Variants in MAML2 observed in about 807,000 individuals in gnomAD.
MAML2 encodes the protein mastermind like transcriptional coactivator 2.
A neutral mutation model predicts 96.1 loss-of-function variants in MAML2; 22 were observed. The observed-to-expected ratio is 0.23, with a 90% confidence interval of 0.16 to 0.33. The LOEUF (loss-of-function observed/expected upper bound fraction) is 0.33, where lower values mean the gene tolerates loss of function less well. Among genes scored for constraint, MAML2 ranks in the 10% least tolerant of loss-of-function variants. The pLI, the probability that MAML2 is intolerant of heterozygous loss-of-function variation, is 1.00. For synonymous variants in MAML2, 561 were observed against 521.3 expected (o/e 1.08, Z -1.04); for missense variants, 1,367 against 1,392.4 (o/e 0.98, Z 0.29).
chr11:96,098,078 A>C (rs375049666), intron 1 of MAML2, among the ~76,000 whole-genome samples: 1 of 152,210 alleles, frequency 6.6e-6, no homozygotes, highest in South Asian at 2.1e-4. Context: ...ACAAAAGTCC[A>C]ATAGAATGAA....
intron 1 of MAML2, among the ~76,000 whole-genome samples, chr11:96,264,627 T>C (rs1862800916): frequency 6.6e-6 from 1 of 152,202 alleles, no homozygotes; most frequent in African/African-American, 2.4e-5. Context: ...GAATGTCTCC[T>C]CATCCACTCT....
chr11:96,206,311 C>T (rs767677958), intron 1 of MAML2, among the ~76,000 whole-genome samples: 8 of 152,042 alleles, frequency 5.3e-5, no homozygotes, highest in Non-Finnish European at 7.4e-5. Context: ...TTGAAATTGC[C>T]GGATAGGCGG....
intron 1 of MAML2, among the ~76,000 whole-genome samples, chr11:96,312,898 T>C (rs1234530475): frequency 6.6e-6 from 1 of 152,226 alleles, no homozygotes; most frequent in Non-Finnish European, 1.5e-5. Context: ...TATTGGAATC[T>C]GAACTAGTCC....
At chr11:96,128,466 T>C (rs1490410008) in intron 1 of MAML2, among the ~76,000 whole-genome samples, 1 of 152,182 alleles carries the variant, frequency 6.6e-6, no homozygotes, top group Non-Finnish European at 1.5e-5. Context: ...GTTTCATCAT[T>C]TGCTTATTGG....
At chr11:96,064,596 C>T (rs925732356) in intron 2 of MAML2, among the ~76,000 whole-genome samples, 1 of 152,144 alleles carries the variant, frequency 6.6e-6, no homozygotes, top group Non-Finnish European at 1.5e-5. Context: ...CCTCAGTATT[C>T]TTTTCTACGA....
chr11:96,249,584 G>A (rs771155654), intron 1 of MAML2, among the ~76,000 whole-genome samples: 4 of 152,154 alleles, frequency 2.6e-5, no homozygotes, highest in Non-Finnish European at 2.9e-5. Context: ...CTAGCTGCAC[G>A]AGTCACACAT....
chr11:96,309,002 A>G (rs1325301482), intron 1 of MAML2, among the ~76,000 whole-genome samples: 5 of 152,254 alleles, frequency 3.3e-5, no homozygotes, highest in Admixed American at 3.3e-4. Flanking sequence ...CATAAAATAC[A>G]ATACAATAAA....
At chr11:96,079,569 A>G (rs1478974273) in intron 2 of MAML2, among the ~76,000 whole-genome samples, 2 of 152,212 alleles carry the variant, frequency 1.3e-5, no homozygotes, top group African/African-American at 4.8e-5. Context: ...AATTATTTCT[A>G]TTTCCTAGAA....
intron 2 of MAML2, among the ~76,000 whole-genome samples, chr11:96,056,407 G>C (rs1353576945): frequency 1.8e-5 from 2 of 110,430 alleles, no homozygotes; most frequent in East Asian, 3.1e-4. Context: ...AAAAAAAAAA[G>C]CCCAGGTTGG....
intron 2 of MAML2, among the ~76,000 whole-genome samples, chr11:96,022,260 T>C (rs1241377790): frequency 6.6e-6 from 1 of 152,220 alleles, no homozygotes; most frequent in Non-Finnish European, 1.5e-5. Context: ...TCTCCATCGC[T>C]AGCTCCCGTC....
At chr11:96,258,042 A>C (rs1261628062) in intron 1 of MAML2, among the ~76,000 whole-genome samples, 1 of 152,202 alleles carries the variant, frequency 6.6e-6, no homozygotes, top group African/African-American at 2.4e-5. Flanking sequence ...TTTGGAACTA[A>C]ATGCCTTTAA....
rs1281087563 is a variant in MAML2 at position 96,092,692 on chromosome 11, C to T, written c.1339G>A (p.Ala447Thr). The T allele has an allele frequency of 2.5e-6, 4 of 1,613,882 alleles. No individual in the cohort carries two copies. The African/African-American group carries it at 4.0e-5, about 16-fold the overall frequency. Residue 447 changes from alanine (A) to threonine (T), a missense_variant, in exon 2 of 5, where the codon GCC becomes ACC. Coordinates refer to ENST00000524717, the MANE Select transcript of MAML2 (RefSeq NM_032427.4). The surrounding 1 kb of genome is among the most constrained non-coding windows in gnomAD (Gnocchi z 4.1). Reference protein sequence around the residue: ...KQIAANRQQHARMQQHQQQHQ... With the variant: ...KQIAANRQQHTRMQQHQQQHQ... Reference sequence around the variant, plus strand: ...TGCTGCTGGTGCTGCTGCATCCGGGCATGCTGCTGACGATTAGCAGCTATC... The same window carrying T: ...TGCTGCTGGTGCTGCTGCATCCGGGTATGCTGCTGACGATTAGCAGCTATC...
chr11:96,040,395 A>C (rs1858789090), intron 2 of MAML2, among the ~76,000 whole-genome samples: 3 of 152,162 alleles, frequency 2.0e-5, no homozygotes, highest in Admixed American at 2.0e-4. Context: ...TTAATGTACA[A>C]CTCTGAGTTT....
intron 1 of MAML2, among the ~76,000 whole-genome samples, chr11:96,222,681 C>A (rs1191762416): frequency 6.6e-6 from 1 of 152,134 alleles, no homozygotes; most frequent in Non-Finnish European, 1.5e-5. Context: ...ACCTTGATAA[C>A]CCCAAAAGTT....
intron 2 of MAML2, among the ~76,000 whole-genome samples, chr11:96,038,592 C>T (rs559944305): frequency 2.0e-5 from 3 of 152,348 alleles, no homozygotes; most frequent in Admixed American, 1.3e-4. Context: ...ACCAAGCTTG[C>T]TCTTACTGCA....
intron 1 of MAML2, among the ~76,000 whole-genome samples, chr11:96,332,150 G>A (rs867505907): frequency 6.6e-6 from 1 of 152,152 alleles, no homozygotes; most frequent in African/African-American, 2.4e-5. Context: ...AGTAGCATGG[G>A]TCCTCCAGCA....
rs1330037614 is a variant in MAML2, at chr11:96,269,527, T to C, written c.513+71856A>G. 2.1e-5 allele frequency among the ~76,000 whole-genome samples: 3 copies of C among 144,034 alleles called. 1 individual carries two copies. Among genetic ancestry groups the C allele is most frequent in the African/African-American group, 8.0e-5 (3 of 37,422 alleles). The allele number at this position is 144,034 out of a possible 152,430, so 94.5% of individuals were successfully genotyped here. ...TTTTTGAGGTACATTCTTTTTATTT[T>C]GGGGGGAAATGTCTTGCTCTGTTGC... is the stretch of plus-strand genomic sequence containing the variant. On this transcript the variant is annotated intron_variant, in intron 1 of 4. Transcript: ENST00000524717.
At chr11:96,338,367 G>C (rs770318742) in intron 1 of MAML2, among the ~76,000 whole-genome samples, 2 of 152,256 alleles carry the variant, frequency 1.3e-5, no homozygotes, top group African/African-American at 2.4e-5. Flanking sequence ...ACTTGTACTT[G>C]AGCTAAATGA....
At chr11:96,217,221 T>G (rs568886310) in intron 1 of MAML2, among the ~76,000 whole-genome samples, 29 of 152,362 alleles carry the variant, frequency 1.9e-4, no homozygotes, top group Non-Finnish European at 3.7e-4. Context: ...ACTGGAAATA[T>G]TTCCCTTGAT....
Sources: gnomAD v4.1 joint callset for allele counts (sites outside exome capture counted in the v4.1 genomes callset) on GRCh38, gnomAD v4.1.1 for gene constraint, Gnocchi (gnomAD v3.1) non-coding constraint, MANE v1.5 for transcripts, NCBI Gene and HGNC (gene_info 2026-07-23, HGNC 2026-07-21) for gene names.